The following TRIM71 variants were observed in gnomAD, a reference collection of about 807,000 sequenced individuals.
TRIM71 encodes the protein E3 ubiquitin-protein ligase TRIM71.
TRIM71 carries 9 observed loss-of-function variants against 61.2 expected under a neutral mutation model. The ratio of observed to expected loss-of-function variants is 0.15; its 90% CI spans 0.09 to 0.26. The LOEUF is 0.26. Among genes scored for constraint, TRIM71 ranks in the 10% least tolerant of loss-of-function variants. TRIM71 has a pLI of 1.00. For missense variants in TRIM71, 998 were observed against 1,238.7 expected (o/e 0.81, Z 2.92); for synonymous variants, 645 against 553.2 (o/e 1.17, Z -2.33).
intron 2 of TRIM71, among the ~76,000 whole-genome samples, chr3:32,877,396 G>A (rs1440690664): frequency 6.8e-6 from 1 of 147,100 alleles, no homozygotes; most frequent in South Asian, 2.1e-4. Flanking sequence ...GAGCCACCGC[G>A]CCTGGCCATT....
intron 1 of TRIM71, among the ~76,000 whole-genome samples, chr3:32,824,796 T>C (rs1696182298): frequency 6.6e-6 from 1 of 152,074 alleles, no homozygotes; most frequent in Admixed American, 6.6e-5. Flanking sequence ...ATAGTCCTTT[T>C]CTTTTCTTTT....
intron 1 of TRIM71, among the ~76,000 whole-genome samples, chr3:32,828,798 C>T (rs1054789596): frequency 1.3e-5 from 2 of 151,700 alleles, no homozygotes; most frequent in African/African-American, 2.4e-5. Flanking sequence ...CTCATCTGGC[C>T]CCAATTTACA....
At chr3:32,862,153 C>T (rs1696678902) in intron 1 of TRIM71, among the ~76,000 whole-genome samples, 1 of 152,112 alleles carries the variant, frequency 6.6e-6, no homozygotes, top group African/African-American at 2.4e-5. Context: ...GACAGTGTAA[C>T]CTTGATTCAC....
chr3:32,874,546 G>A (rs1232196990), intron 2 of TRIM71, among the ~76,000 whole-genome samples: 4 of 151,240 alleles, frequency 2.6e-5, no homozygotes, highest in South Asian at 2.1e-4. Flanking sequence ...TTTTTGAGAC[G>A]GAGTCTCACT....
intron 1 of TRIM71, among the ~76,000 whole-genome samples, chr3:32,826,821 G>A (rs1696208189): frequency 6.6e-6 from 1 of 151,956 alleles, no homozygotes; most frequent in Admixed American, 6.6e-5. Flanking sequence ...GGAGTGCAGT[G>A]GTGCGAACTC....
chr3:32,869,159 G>T (rs1696771126), intron 1 of TRIM71, among the ~76,000 whole-genome samples: 1 of 152,148 alleles, frequency 6.6e-6, no homozygotes, highest in Non-Finnish European at 1.5e-5. Context: ...GGCCTCATTT[G>T]CTTCTGGAAC....
intron 1 of TRIM71, among the ~76,000 whole-genome samples, chr3:32,851,800 G>A (rs1696541513): frequency 6.6e-6 from 1 of 152,146 alleles, no homozygotes; most frequent in Non-Finnish European, 1.5e-5. Flanking sequence ...CTTTGAAAGG[G>A]TTGGGGCAGT....
At chr3:32,876,029 T>TAA (rs1696849145) in intron 2 of TRIM71, among the ~76,000 whole-genome samples, 1 of 152,212 alleles carries the variant, frequency 6.6e-6, no homozygotes, top group Admixed American at 6.5e-5. Context: ...CTTGAATGAC[T>TAA]AATCCTGTTA....
At chr3:32,870,596 G>A (rs1279144986) in intron 1 of TRIM71, among the ~76,000 whole-genome samples, 1 of 151,988 alleles carries the variant, frequency 6.6e-6, no homozygotes, top group Non-Finnish European at 1.5e-5. Flanking sequence ...CTGCCATACC[G>A]GCCACTACCT....
chr3:32,864,847 TGTGTG>T (rs1362557403), intron 1 of TRIM71, among the ~76,000 whole-genome samples: 3 of 890 alleles, frequency 3.4e-3, no homozygotes, highest in Non-Finnish European at 0.011. Context: ...AATTAAGTGG[TGTGTG>T]TGTGTGTGTG....
chr3:32,884,695 A>G (rs1263439870), intron 2 of TRIM71, among the ~76,000 whole-genome samples: 2 of 152,172 alleles, frequency 1.3e-5, no homozygotes, highest in African/African-American at 2.4e-5. Context: ...AATGTTCTGT[A>G]GCTAGATAGT....
rs748607992 is a variant in TRIM71, at chr3:32,818,683, G to C, written c.603G>C (p.Ser201=). The C allele has an allele frequency of 1.3e-6, 2 of 1,561,370 alleles. No individual in the cohort carries two copies. Among genetic ancestry groups the C allele is most frequent in the South Asian group, 1.2e-5 (1 of 86,950 alleles). ...LLLRRPHGCS[S]CDEGNAASSR... ...TCCGCCGTCCTCACGGCTGCAGCTC[G>C]TGCGATGAGGGCAACGCAGCTTCTT... Residue 201 remains serine, a synonymous_variant, in exon 1 of 4, where the codon TCG becomes TCC. Transcript: ENST00000383763.
chr3:32,824,464 A>G (rs191026893), intron 1 of TRIM71, among the ~76,000 whole-genome samples: 62 of 149,632 alleles, frequency 4.1e-4, no homozygotes, highest in Middle Eastern at 3.5e-3. Context: ...AAGGGCTGGG[A>G]TTGATTACAG....
chr3:32,818,004 C>G lies in TRIM71; in HGVS notation c.-77C>G, dbSNP rs1207607760. The G allele has an allele frequency of 4.3e-6, 6 of 1,385,130 alleles. No homozygotes were observed. The highest frequency in any genetic ancestry group is 6.1e-6 in the Non-Finnish European group (6 of 991,674). 85.8% of individuals were successfully genotyped at this position (1,385,130 alleles called of 1,614,324 possible). ...TTTCTGAGTGAGTCGGTGACTCCCC[C>G]ACCCACCTCGTCCGCTCTCTCCTCC... is the stretch of plus-strand genomic sequence containing the variant. On this transcript the variant is annotated 5_prime_UTR_variant, in exon 1 of 4. Coordinates refer to ENST00000383763, the MANE Select transcript of TRIM71 (RefSeq NM_001039111.3).
At chr3:32,862,522 C>A (rs1170000835) in intron 1 of TRIM71, among the ~76,000 whole-genome samples, 1 of 152,206 alleles carries the variant, frequency 6.6e-6, no homozygotes, top group Non-Finnish European at 1.5e-5. Context: ...AGTTACATGG[C>A]CACCTACAGA....
At chr3:32,857,935 C>T (rs1196772636) in intron 1 of TRIM71, among the ~76,000 whole-genome samples, 2 of 152,088 alleles carry the variant, frequency 1.3e-5, no homozygotes, top group African/African-American at 4.8e-5. Context: ...CGCACCACTG[C>T]ACTCTAGCCT....
At chr3:32,874,663 C>T (rs571102955) in intron 2 of TRIM71, among the ~76,000 whole-genome samples, 8 of 151,942 alleles carry the variant, frequency 5.3e-5, no homozygotes, top group Non-Finnish European at 1.2e-4. Context: ...GCTGGGACTA[C>T]AGGCGCCCAC....
chr3:32,832,265 C>G (rs1272629904), intron 1 of TRIM71, among the ~76,000 whole-genome samples: 1 of 152,156 alleles, frequency 6.6e-6, no homozygotes, highest in African/African-American at 2.4e-5. Context: ...CTGGGAATTT[C>G]GAGACCTGCC....
In TRIM71 at chr3:32,897,766, G is replaced by A. The variant is rs1436512909; in HGVS notation, c.*5955G>A. The A allele has an allele frequency of 1.3e-5, 2 of 152,108 alleles. No homozygotes were observed. The highest frequency in any genetic ancestry group is 1.5e-5 in the Non-Finnish European group (1 of 68,028). 9.4% of individuals were successfully genotyped at this position (152,108 alleles called of 1,614,324 possible). The stretch of plus-strand genomic sequence containing the variant: ...TGGTGTCTCTTTGGACTTTAAAATT[G>A]TTCCTATGCAGCTTATTTTATTTTT... On this transcript the variant is annotated 3_prime_UTR_variant, in exon 4 of 4. Coordinates refer to ENST00000383763, the MANE Select transcript of TRIM71 (RefSeq NM_001039111.3).
Sources: gnomAD v4.1 joint callset for allele counts (sites outside exome capture counted in the v4.1 genomes callset) on GRCh38, gnomAD v4.1.1 for gene constraint, MANE v1.5 for transcripts, NCBI Gene and HGNC (gene_info 2026-07-23, HGNC 2026-07-21) for gene names.